Variants in METTL16 observed in about 807,000 individuals in gnomAD.
The protein encoded by METTL16 is methyltransferase 16, RNA N6-adenosine.
A neutral mutation model predicts 57.9 loss-of-function variants in METTL16; 19 were observed. The observed-to-expected ratio is 0.33, with a 90% CI of 0.23 to 0.48. METTL16 has a LOEUF of 0.48. Among genes scored for constraint, METTL16 ranks in the 20% least tolerant of loss-of-function variants. The probability of loss-of-function intolerance (pLI) is 0.99; values close to 1 mark genes in which losing one functional copy is unlikely to be tolerated. For missense variants in METTL16, 434 were observed against 691.5 expected, an observed-to-expected ratio of 0.63 and a Z score of 4.18; for synonymous variants, 246 against 255.6, an observed-to-expected ratio of 0.96 and a Z score of 0.36.
At chr17:2,455,800 G>A (rs930657025) in intron 6 of METTL16, among the ~76,000 whole-genome samples, 1 of 152,020 alleles carries the variant, frequency 6.6e-6, no homozygotes, top group East Asian at 1.9e-4. Flanking sequence ...TGGGCAACAT[G>A]GCAAAACCCC....
chr17:2,420,670 A>G lies in METTL16; in HGVS notation c.1062+61T>C. The G allele has an allele frequency of 1.3e-6, 2 of 1,557,042 alleles. No homozygotes were observed. The highest frequency in any genetic ancestry group is 1.5e-5 in the African/African-American group (1 of 68,132). Reference sequence around the variant, plus strand: ...CTCCAAACTCTCAATAAAAAAAAAAAGAAAAAAGAAAAAAGAGAAGGATCA... The same window carrying G: ...CTCCAAACTCTCAATAAAAAAAAAAGGAAAAAAGAAAAAAGAGAAGGATCA... On this transcript the variant is annotated intron_variant, in intron 9 of 9. Transcript: ENST00000263092. The surrounding 1 kb of genome is among the most constrained non-coding windows in gnomAD (Gnocchi z 5.4).
intron 2 of METTL16, among the ~76,000 whole-genome samples, chr17:2,492,124 T>C (rs1333536396): frequency 1.3e-5 from 2 of 151,320 alleles, no homozygotes; most frequent in South Asian, 2.1e-4. Flanking sequence ...GGTAGGAGAA[T>C]GGCGTGAACC....
At chr17:2,448,897 C>T (rs559521483) in intron 6 of METTL16, among the ~76,000 whole-genome samples, 6 of 146,582 alleles carry the variant, frequency 4.1e-5, no homozygotes, top group South Asian at 2.2e-4. Context: ...TGTGGTGGTG[C>T]GCGCCTGTAG....
At chr17:2,446,752 G>GT (rs541985432) in intron 6 of METTL16, among the ~76,000 whole-genome samples, 2,484 of 149,272 alleles carry the variant, frequency 0.017, 25 homozygotes, top group Non-Finnish European at 0.018. Context: ...ACTGGTTCTC[G>GT]TTTTTTTTTT....
chr17:2,427,073 G>A (rs921165019), intron 8 of METTL16, among the ~76,000 whole-genome samples: 4 of 152,164 alleles, frequency 2.6e-5, no homozygotes, highest in Non-Finnish European at 4.4e-5. Context: ...TTGAACCCAG[G>A]AGGCAGGGCC....
chr17:2,489,248 C>T (rs8078450), intron 2 of METTL16, among the ~76,000 whole-genome samples: 2 of 151,914 alleles, frequency 1.3e-5, no homozygotes, highest in Middle Eastern at 3.2e-3. Flanking sequence ...TGAAGCCAGG[C>T]CTTCAGGCTG....
At position 2,422,186 on chromosome 17, in the gene METTL16, C is replaced by A. The variant is rs2066771369; in HGVS notation, c.889-1282G>T. On this transcript the variant is annotated intron_variant, in intron 8 of 9. Coordinates refer to ENST00000263092, the MANE Select transcript of METTL16 (RefSeq NM_024086.4). ...AATTAGCTGGGCATGGGGGCACGCA[C>A]CTATAATCCCAGCTACTCGGGAGGC... Among the ~76,000 whole-genome samples, 3 of 152,012 alleles carry A rather than the reference C, an allele frequency of 2.0e-5. No homozygotes were observed. In the South Asian group the frequency reaches 6.2e-4, roughly 32 times the overall value.
At chr17:2,448,789 TAAA>T (rs1288709390) in intron 6 of METTL16, among the ~76,000 whole-genome samples, 9 of 47,716 alleles carry the variant, frequency 1.9e-4, no homozygotes, top group Non-Finnish European at 3.7e-4. Flanking sequence ...AATAAAAAAA[TAAA>T]AATAAAATTT....
At chr17:2,441,670 G>C (rs1429216438) in intron 6 of METTL16, 111 bp from the exon 7 acceptor site, 9 of 542,636 alleles carry the variant, frequency 1.7e-5, no homozygotes, top group Non-Finnish European at 2.7e-5. Flanking sequence ...CATTGAGTAA[G>C]GTCACAAGTG....
At chr17:2,483,435 G>C (rs2067320899) in intron 2 of METTL16, among the ~76,000 whole-genome samples, 1 of 152,296 alleles carries the variant, frequency 6.6e-6, no homozygotes, top group South Asian at 2.1e-4. Flanking sequence ...GGAAGCAGAA[G>C]TTTATTGCAT....
At chr17:2,478,835 T>C (rs111353346) in intron 2 of METTL16, among the ~76,000 whole-genome samples, 4 of 152,380 alleles carry the variant, frequency 2.6e-5, no homozygotes, top group African/African-American at 9.6e-5. Flanking sequence ...TAATGTTCCA[T>C]AGTAAGAATG....
At chr17:2,424,657 GAGAC>G (rs1009912597) in intron 8 of METTL16, among the ~76,000 whole-genome samples, 3 of 151,916 alleles carry the variant, frequency 2.0e-5, no homozygotes, top group African/African-American at 7.2e-5. Flanking sequence ...TAGACATTAA[GAGAC>G]AGACAGGCCA....
intron 8 of METTL16, among the ~76,000 whole-genome samples, chr17:2,432,840 C>G (rs1158127782): frequency 6.6e-6 from 1 of 152,186 alleles, no homozygotes; most frequent in Non-Finnish European, 1.5e-5. Context: ...AAGTTAAGTA[C>G]ACTTAATCCT....
chr17:2,477,940 C>A, intron 2 of METTL16, 55 bp from the exon 3 acceptor site: 1 of 1,488,472 alleles, frequency 6.7e-7, no homozygotes, highest in Non-Finnish European at 9.3e-7. Context: ...CTATGTTGTA[C>A]AAGCTCTACG....
At chr17:2,491,978 A>G (rs1437775091) in intron 2 of METTL16, among the ~76,000 whole-genome samples, 2 of 150,918 alleles carry the variant, frequency 1.3e-5, no homozygotes, top group Non-Finnish European at 3.0e-5. Flanking sequence ...TTAGGAGGCC[A>G]AGGCTGACGG....
intron 8 of METTL16, among the ~76,000 whole-genome samples, chr17:2,423,800 C>A (rs532394685): frequency 6.6e-6 from 1 of 151,932 alleles, no homozygotes; most frequent in East Asian, 1.9e-4. Context: ...AGCTGACCTG[C>A]GACACTCTTT....
At chr17:2,429,046 C>G (rs1439172980) in intron 8 of METTL16, among the ~76,000 whole-genome samples, 7 of 151,642 alleles carry the variant, frequency 4.6e-5, no homozygotes, top group African/African-American at 1.7e-4. Flanking sequence ...TTAGTAGAGA[C>G]AGGGTTTCTC....
chr17:2,436,339 A>G (rs1227357926), intron 8 of METTL16, among the ~76,000 whole-genome samples: 2 of 152,148 alleles, frequency 1.3e-5, no homozygotes. Flanking sequence ...TCTACCCTTC[A>G]TGGAAGGGCC....
intron 5 of METTL16, among the ~76,000 whole-genome samples, chr17:2,467,485 G>A (rs1027641167): frequency 4.6e-5 from 7 of 152,078 alleles, no homozygotes; most frequent in African/African-American, 4.8e-5. Context: ...GAGTGCAATG[G>A]CGCAATCTTG....
Sources: gnomAD v4.1 joint callset for allele counts (sites outside exome capture counted in the v4.1 genomes callset) on GRCh38, gnomAD v4.1.1 for gene constraint, Gnocchi (gnomAD v3.1) non-coding constraint, MANE v1.5 for transcripts, NCBI Gene and HGNC (gene_info 2026-07-23, HGNC 2026-07-21) for gene names.